The following NEB variants were observed in gnomAD, a reference collection of about 807,000 sequenced individuals.
NEB encodes nemaline myopathy type 2.
A neutral mutation model predicts 952.2 loss-of-function variants in NEB; 512 were observed. The ratio of observed to expected loss-of-function variants is 0.54; its 90% CI spans 0.50 to 0.58. The LOEUF (loss-of-function observed/expected upper bound fraction) is 0.58. NEB is among the 20% of genes least tolerant of loss of function. NEB has a pLI of 0.00. For synonymous variants in NEB, 2,900 were observed against 3,149.8 expected, an observed-to-expected ratio of 0.92 and a Z score of 2.66; for missense variants, 8,428 against 9,231.1, an observed-to-expected ratio of 0.91 and a Z score of 3.56.
At chr2:151,546,584 G>C (rs2094728659) in intron 133 of NEB, 141 bp from the exon 134 acceptor site, 1 of 551,944 alleles carries the variant, frequency 1.8e-6, no homozygotes, top group Non-Finnish European at 3.1e-6. Flanking sequence ...TTGAGACAGA[G>C]TTTCATTCTT....
chr2:151,487,953 A>G (rs936803617), intron 181 of NEB, among the ~76,000 whole-genome samples: 2 of 152,104 alleles, frequency 1.3e-5, no homozygotes, highest in African/African-American at 2.4e-5. Flanking sequence ...ATATGATACA[A>G]TATGATATTT....
intron 40 of NEB, among the ~76,000 whole-genome samples, chr2:151,667,536 A>AT (rs541077365): frequency 2.8e-4 from 42 of 151,464 alleles, no homozygotes; most frequent in African/African-American, 7.7e-4. Context: ...TCACATATAG[A>AT]TTTTTTTTTC....
chr2:151,546,001 TAAA>T lies in NEB; in HGVS notation c.20467-6_20467-4del, dbSNP rs10687343. On this transcript the variant is annotated splice_polypyrimidine_tract_variant and splice_region_variant and intron_variant, in intron 134 of 181. Coordinates refer to ENST00000397345, the MANE Select transcript of NEB (RefSeq NM_001164508.2). ...TTATCAGTGTATAGGTAATTAGACT[TAAA>T]AAAAAAAAAAAAAACAGAAATACAA... is the stretch of plus-strand genomic sequence containing the variant. 1.1e-4 allele frequency: 105 copies of T among 948,658 alleles called. No homozygotes were observed. The highest frequency in any genetic ancestry group is 5.3e-4 in the African/African-American group (30 of 57,132). 58.8% of individuals were successfully genotyped at this position (948,658 alleles called of 1,614,324 possible).
chr2:151,649,808 T>A (rs1050486766), intron 54 of NEB, among the ~76,000 whole-genome samples: 23 of 152,220 alleles, frequency 1.5e-4, no homozygotes, highest in Non-Finnish European at 2.6e-4. Context: ...ACACTCTTTA[T>A]AACACATCCA....
In NEB at chr2:151,540,796, C is replaced by A. The variant is rs775161722; in HGVS notation, c.20688G>T (p.Leu6896=). 1.9e-6 allele frequency: 3 copies of A among 1,610,874 alleles called. No homozygotes were observed. ...TCTCTTTGGTGGCAAGTTCAACATACAGATACTGAATAATAGAAGAAAGTG... is the reference window on the plus strand; with the variant it reads ...TCTCTTTGGTGGCAAGTTCAACATAAAGATACTGAATAATAGAAGAAAGTG... ...KRGQKLQSQY[L]YVELATKERP... Residue 6896 remains leucine, a synonymous_variant, in exon 137 of 182, where the codon CTG becomes CTT. Transcript: ENST00000397345.
In NEB at chr2:151,640,388, G is replaced by T. The variant is rs1488080807; in HGVS notation, c.8652C>A (p.Ile2884=). The change falls in exon 61 of 182, where the codon ATC becomes ATA. Residue 2884 remains isoleucine (I), a synonymous_variant. Transcript: ENST00000397345. ...GGAGGTCATAGGCCTGCCGAGCATG[G>T]ATGACGTCGCTCTGGTCGGGCAGGC... The part of the protein sequence containing the change: ...WTCLPDQSDV[I]HARQAYDLQS... The T allele has an allele frequency of 6.2e-7, 1 of 1,613,938 alleles. No individual in the cohort carries two copies. The highest frequency in any genetic ancestry group is 8.5e-7 in the Non-Finnish European group (1 of 1,179,858).
chr2:151,621,730 T>C (rs1259110969), intron 71 of NEB, among the ~76,000 whole-genome samples: 2 of 152,236 alleles, frequency 1.3e-5, no homozygotes, highest in East Asian at 3.8e-4. Flanking sequence ...AAACAAATCA[T>C]ATATACCAAT....
At chr2:151,531,684 C>T in intron 144 of NEB, 108 bp downstream of exon 144, 1 of 810,384 alleles carries the variant, frequency 1.2e-6, no homozygotes, top group Non-Finnish European at 2.1e-6. Context: ...TGCCTCCCTC[C>T]CACTAAATGG....
chr2:151,545,837 G>GGCAAC (rs2094600213), intron 135 of NEB, 51 bp downstream of exon 135: 1 of 1,160,294 alleles, frequency 8.6e-7, no homozygotes, highest in African/African-American at 1.5e-5. Context: ...GAGTAATTCA[G>GGCAAC]TTTGTACTGG....
chr2:151,640,661 C>T lies in NEB; in HGVS notation c.8379G>A (p.Lys2793=). Residue 2793 remains lysine, a synonymous_variant, in exon 61 of 182, where the codon AAG becomes AAA. Coordinates refer to ENST00000397345, the MANE Select transcript of NEB (RefSeq NM_001164508.2). ...GCTGCTTACGATAGCCTTCTTTGTACTTGAACTAAAAGAAGAAAAAGACAG... is the reference window on the plus strand; with the variant it reads ...GCTGCTTACGATAGCCTTCTTTGTATTTGAACTAAAAGAAGAAAAAGACAG... ...KASRDIASEF[K]YKEGYRKQLG... is the part of the protein sequence containing the mutation. 6.2e-7 allele frequency: 1 copy of T among 1,607,404 alleles called. No homozygotes were observed. The highest frequency in any genetic ancestry group is 8.5e-7 in the Non-Finnish European group (1 of 1,175,298).
At chr2:151,716,197 G>A (rs2099758828) in intron 10 of NEB, 7 of 404,074 alleles carry the variant, frequency 1.7e-5, no homozygotes, top group Non-Finnish European at 3.4e-5. Context: ...GGAGTGTAAT[G>A]GCACAATCTT....
At chr2:151,501,340 G>A in intron 168 of NEB, 51 bp downstream of exon 168, 1 of 1,236,846 alleles carries the variant, frequency 8.1e-7, no homozygotes, top group Non-Finnish European at 1.2e-6. Context: ...GTTCTGTTTT[G>A]TAGAAATTAT....
At chr2:151,490,172 C>A in intron 180 of NEB, 95 bp from the exon 181 acceptor site, 1 of 1,209,806 alleles carries the variant, frequency 8.3e-7, no homozygotes, top group Non-Finnish European at 1.2e-6. Flanking sequence ...TTTCCCCCAA[C>A]TTAGAATGAT....
At chr2:151,559,102 CAA>C (rs1244195463) in intron 124 of NEB, among the ~76,000 whole-genome samples, 1 of 133,824 alleles carries the variant, frequency 7.5e-6, no homozygotes, top group East Asian at 2.2e-4. Context: ...AAGAAAAAAA[CAA>C]ACAACCCCAT....
rs1411759598 is a variant in NEB at position 151,636,272 on chromosome 2, G to A, written c.9057C>T (p.Ala3019=). The A allele has an allele frequency of 1.2e-6, 2 of 1,610,196 alleles. No homozygotes were observed. Among genetic ancestry groups the A allele is most frequent in the Non-Finnish European group, 1.7e-6 (2 of 1,179,764 alleles). The change falls in exon 64 of 182, where the codon GCC becomes GCT. Residue 3019 remains alanine, a synonymous_variant. Coordinates refer to ENST00000397345, the MANE Select transcript of NEB (RefSeq NM_001164508.2). The part of the protein sequence containing the change: ...KKKGYDLRSD[A]IPIVAAKASR... ...AGGCCTTGGCCGCCACGATGGGGAT[G>A]GCGTCGCTTCGCAAGTCATAGCCTT... is the stretch of plus-strand genomic sequence containing the variant.
chr2:151,638,571 A>C (rs1385528692), intron 63 of NEB, among the ~76,000 whole-genome samples: 1 of 152,216 alleles, frequency 6.6e-6, no homozygotes, highest in Non-Finnish European at 1.5e-5. Flanking sequence ...CTTTCTCATA[A>C]ATTTTCCAGA....
At chr2:151,528,212 G>A (rs2087782842) in intron 146 of NEB, among the ~76,000 whole-genome samples, 1 of 152,166 alleles carries the variant, frequency 6.6e-6, no homozygotes, top group Non-Finnish European at 1.5e-5. Context: ...GCTGCATTGG[G>A]CCAAATCTGA....
chr2:151,693,771 T>C (rs2099575801), intron 20 of NEB, among the ~76,000 whole-genome samples: 2 of 152,200 alleles, frequency 1.3e-5, no homozygotes, highest in Non-Finnish European at 2.9e-5. Context: ...ATATGCCCAG[T>C]AATGGGATTG....
At position 151,678,182 on chromosome 2, in the gene NEB, C is replaced by T; in HGVS notation, c.3261G>A (p.Gln1087=). The change falls in exon 33 of 182, where the codon CAG becomes CAA. Residue 1087 remains glutamine (Q), a synonymous_variant. Transcript: ENST00000397345. ...KAARQAASDV[Q]YKKDYEKAKG... ...TAGCCTTTTCATAGTCTTTTTTGTACTGAACCTATTGTAAACAAAGGTGGG... is the reference window on the plus strand; with the variant it reads ...TAGCCTTTTCATAGTCTTTTTTGTATTGAACCTATTGTAAACAAAGGTGGG... 1.3e-6 allele frequency: 2 copies of T among 1,593,108 alleles called. No homozygotes were observed. Among genetic ancestry groups the T allele is most frequent in the South Asian group, 1.1e-5 (1 of 87,344 alleles).
Sources: gnomAD v4.1 joint callset for allele counts (sites outside exome capture counted in the v4.1 genomes callset) on GRCh38, gnomAD v4.1.1 for gene constraint, MANE v1.5 for transcripts, NCBI Gene and HGNC (gene_info 2026-07-23, HGNC 2026-07-21) for gene names.